Variants in COL4A6 observed in about 807,000 individuals in gnomAD.
The protein encoded by COL4A6 is collagen alpha-6(IV) chain.
Under a neutral mutation model 126.7 loss-of-function variants are expected in COL4A6, and 59 were observed. The observed-to-expected ratio is 0.47, with a 90% CI of 0.38 to 0.58. COL4A6 has a LOEUF of 0.58. Among genes scored for constraint, COL4A6 ranks in the 20% least tolerant of loss-of-function variants. The probability of loss-of-function intolerance (pLI) is 0.00; values close to 1 mark genes in which losing one functional copy is unlikely to be tolerated. For missense variants in COL4A6, 1,285 were observed against 1,337.3 expected, an observed-to-expected ratio of 0.96 and a Z score of 0.61; for synonymous variants, 547 against 496.6, an observed-to-expected ratio of 1.10 and a Z score of -1.35.
At chrX:108,393,032 G>C (rs1241989304) in intron 2 of COL4A6, among the ~76,000 whole-genome samples, 1 of 112,014 alleles carries the variant, frequency 8.9e-6, no homozygotes, top group Non-Finnish European at 1.9e-5. Flanking sequence ...GTATATTGCT[G>C]ATGGGAATGT....
intron 2 of COL4A6, among the ~76,000 whole-genome samples, chrX:108,387,635 T>C (rs1455929460): frequency 8.9e-6 from 1 of 112,071 alleles, no homozygotes; most frequent in East Asian, 2.8e-4. Flanking sequence ...TGGGGTTTTC[T>C]AAATATACAA....
intron 3 of COL4A6, among the ~76,000 whole-genome samples, chrX:108,232,945 C>A (rs1051573064): frequency 1.6e-4 from 18 of 111,526 alleles, no homozygotes; most frequent in African/African-American, 5.2e-4. Context: ...AGGCCGTAAA[C>A]CCTCAAGGAA....
At chrX:108,247,893 T>C (rs1243580715) in intron 3 of COL4A6, among the ~76,000 whole-genome samples, 1 of 111,730 alleles carries the variant, frequency 9.0e-6, no homozygotes, top group Non-Finnish European at 1.9e-5. Context: ...AACTGGGGTA[T>C]AAGAATGGGC....
chrX:108,175,588 C>G, intron 29 of COL4A6, 66 bp downstream of exon 29: 3 of 1,100,541 alleles, frequency 2.7e-6, no homozygotes, highest in Non-Finnish European at 3.7e-6. Context: ...ATAACCAAGT[C>G]AACAAACAAA....
rs1420374365 is a variant in COL4A6 at position 108,155,868 on chromosome X, A to G, written c.*1132T>C. On this transcript the variant is annotated 3_prime_UTR_variant, in exon 45 of 45. Transcript: ENST00000334504. Reference sequence around the variant, plus strand: ...CCCCAAACAGAATACAATGTACTGCATAGCCAATTCAGGCTTGCTTTAGGT... The same window carrying G: ...CCCCAAACAGAATACAATGTACTGCGTAGCCAATTCAGGCTTGCTTTAGGT... 8.9e-6 allele frequency: 1 copy of G among 112,244 alleles called. No individual in the cohort carries two copies. Among genetic ancestry groups the G allele is most frequent in the East Asian group, 2.8e-4 (1 of 3,584 alleles). 9.3% of individuals were successfully genotyped at this position (112,244 alleles called of 1,213,427 possible). A position where few individuals can be genotyped will look rare whatever the true frequency, so the allele number is the denominator to read the frequency against.
At chrX:108,384,482 C>A (rs143773398) in intron 2 of COL4A6, among the ~76,000 whole-genome samples, 25 of 112,131 alleles carry the variant, frequency 2.2e-4, no homozygotes, top group African/African-American at 7.1e-4. Flanking sequence ...TAGGGGAAAT[C>A]TCTGAGTTAA....
Position 108,192,383 on chromosome X carries a change from G to T in COL4A6, c.1180+90C>A, listed in dbSNP as rs765925367. On this transcript the variant is annotated intron_variant, in intron 18 of 44. Transcript: ENST00000334504. ...CTCTTGTTTGACTTTGGCTAGGTGTGTGCCCCGACCCAGAGGTATAGAAGG... is the reference window on the plus strand; with the variant it reads ...CTCTTGTTTGACTTTGGCTAGGTGTTTGCCCCGACCCAGAGGTATAGAAGG... 3.1e-5 allele frequency: 19 copies of T among 619,510 alleles called. No homozygotes were observed. The African/African-American group carries it at 3.7e-4, about 12-fold the overall frequency. 51.1% of individuals were successfully genotyped at this position (619,510 alleles called of 1,213,427 possible). A position where few individuals can be genotyped will look rare whatever the true frequency, so the allele number is the denominator to read the frequency against.
chrX:108,188,708 G>T, intron 20 of COL4A6, 31 bp from the exon 21 acceptor site: 1 of 1,085,034 alleles, frequency 9.2e-7, no homozygotes, highest in Admixed American at 3.4e-5. Flanking sequence ...AGAACGAAGT[G>T]GGTCATTTTT....
At chrX:108,221,181 T>A in intron 4 of COL4A6, 59 bp downstream of exon 4, 4 of 1,194,922 alleles carry the variant, frequency 3.3e-6, no homozygotes, top group Non-Finnish European at 3.4e-6. Context: ...ATGGAGAACT[T>A]CTGATCTTTA....
chrX:108,305,164 G>GT (rs2038594626), intron 3 of COL4A6, among the ~76,000 whole-genome samples: 1 of 112,028 alleles, frequency 8.9e-6, no homozygotes, highest in African/African-American at 3.2e-5. Flanking sequence ...TCTGTGCTCA[G>GT]TTTTAAAGGA....
rs187391247 is a variant in COL4A6, at chrX:108,384,548, G to A, written c.63+53394C>T. ...CTGGTTTGTTTGGAGACTATTGCAT[G>A]AGAGGGATACACACTGTGTTGGGGA... On this transcript the variant is annotated intron_variant, in intron 2 of 44. Coordinates refer to ENST00000334504, the MANE Select transcript of COL4A6 (RefSeq NM_033641.4). Among the ~76,000 whole-genome samples the A allele has an allele frequency of 1.0e-3, 116 of 112,007 alleles. 4 individuals carry two copies. In the East Asian group the frequency reaches 0.032, roughly 31 times the overall value.
chrX:108,282,663 C>G (rs1223391764), intron 3 of COL4A6, among the ~76,000 whole-genome samples: 3 of 108,839 alleles, frequency 2.8e-5, no homozygotes, highest in Non-Finnish European at 5.7e-5. Flanking sequence ...ACCCAAAGGA[C>G]TATAAATCAT....
intron 3 of COL4A6, among the ~76,000 whole-genome samples, chrX:108,271,076 G>C (rs2147762182): frequency 8.9e-6 from 1 of 112,415 alleles, no homozygotes; most frequent in Non-Finnish European, 1.9e-5. Flanking sequence ...TCAAATACTT[G>C]TTCTATTCAT....
intron 3 of COL4A6, among the ~76,000 whole-genome samples, chrX:108,269,953 C>A (rs1160938726): frequency 9.0e-6 from 1 of 111,273 alleles, no homozygotes; most frequent in Non-Finnish European, 1.9e-5. Flanking sequence ...AAAAAAGGAG[C>A]AGGCCACAAG....
chrX:108,274,660 C>A (rs1331798427), intron 3 of COL4A6, among the ~76,000 whole-genome samples: 1 of 111,688 alleles, frequency 9.0e-6, no homozygotes, highest in African/African-American at 3.3e-5. Flanking sequence ...GTAGTATCAG[C>A]CAGGACTGTG....
Position 108,165,044 on chromosome X carries a change from G to T in COL4A6, c.3809-6C>A, listed in dbSNP as rs778764545. 8.3e-7 allele frequency: 1 copy of T among 1,202,423 alleles called. No homozygotes were observed. The highest frequency in any genetic ancestry group is 1.1e-6 in the Non-Finnish European group (1 of 892,293). On this transcript the variant is annotated splice_region_variant and splice_polypyrimidine_tract_variant and intron_variant, in intron 38 of 44. Transcript: ENST00000334504. ...TCCAGCGGGGCCTGGGCGGCCTAGG[G>T]ATAAGATCGGAAGAGGGGCGAGGGG...
In COL4A6 at chrX:108,279,760, A is replaced by G. The variant is rs1315135748; in HGVS notation, c.144+30988T>C. Among the ~76,000 whole-genome samples, 3 of 111,984 alleles carry G rather than the reference A, an allele frequency of 2.7e-5. No individual in the cohort carries two copies. The Admixed American group carries it at 2.8e-4, about 11-fold the overall frequency. On this transcript the variant is annotated intron_variant, in intron 3 of 44. Transcript: ENST00000334504. ...AGTTGGAAGTAAAGCACTCCTCAGCAAATGTAAAAGATCAGAAATTATAAC... is the reference window on the plus strand; with the variant it reads ...AGTTGGAAGTAAAGCACTCCTCAGCGAATGTAAAAGATCAGAAATTATAAC...
At chrX:108,221,055 G>A (rs760148253) in intron 4 of COL4A6, 185 bp downstream of exon 4, 3 of 553,405 alleles carry the variant, frequency 5.4e-6, no homozygotes, top group South Asian at 4.5e-5. Flanking sequence ...CCGAGATCAC[G>A]CCATTGTACT....
chrX:108,248,070 G>A (rs749410452), intron 3 of COL4A6, among the ~76,000 whole-genome samples: 1 of 111,662 alleles, frequency 9.0e-6, no homozygotes, highest in East Asian at 2.8e-4. Context: ...TAAAGCAGTG[G>A]TATCCAGAGT....
Sources: gnomAD v4.1 joint callset for allele counts (sites outside exome capture counted in the v4.1 genomes callset) on GRCh38, gnomAD v4.1.1 for gene constraint, MANE v1.5 for transcripts, NCBI Gene and HGNC (gene_info 2026-07-23, HGNC 2026-07-21) for gene names.